The following COG4 variants were observed in gnomAD, a reference collection of about 807,000 sequenced individuals.
COG4 encodes the protein conserved oligomeric Golgi complex subunit 4.
COG4 carries 65 observed loss-of-function variants against 95.1 expected under a neutral mutation model. That is an observed-to-expected ratio of 0.68 (90% CI 0.56 to 0.84). The LOEUF (loss-of-function observed/expected upper bound fraction) is 0.84. Among genes scored for constraint, COG4 ranks in the 40% least tolerant of loss-of-function variants. The pLI is 0.00. For missense variants in COG4, 1,045 were observed against 989.1 expected, an observed-to-expected ratio of 1.06 and a Z score of -0.76; for synonymous variants, 421 against 374.8, an observed-to-expected ratio of 1.12 and a Z score of -1.42.
chr16:70,497,816 A>G lies in COG4; in HGVS notation c.1314+121T>C. 3 of 781,102 alleles carry G rather than the reference A, an allele frequency of 3.8e-6. No homozygotes were observed. In the Admixed American group the frequency reaches 5.1e-5, roughly 13 times the overall value. The allele number at this position is 781,102 out of a possible 1,614,324, so 48.4% of individuals were successfully genotyped here. Reference sequence around the variant, plus strand: ...TAAACATACAAAGTGGTACCACTCAATCTGCATGCAAGAGTATTCTCAAAG... The same window carrying G: ...TAAACATACAAAGTGGTACCACTCAGTCTGCATGCAAGAGTATTCTCAAAG... On this transcript the variant is annotated intron_variant, in intron 10 of 18. Coordinates refer to ENST00000323786, the MANE Select transcript of COG4 (RefSeq NM_015386.3).
chr16:70,493,926 G>A (rs145266622), intron 12 of COG4, among the ~76,000 whole-genome samples: 20 of 152,258 alleles, frequency 1.3e-4, no homozygotes, highest in East Asian at 7.7e-4. Flanking sequence ...GCCAGTCTTC[G>A]AGACATGAGT....
At chr16:70,484,514 T>C (rs573284383) in intron 13 of COG4, among the ~76,000 whole-genome samples, 1 of 152,374 alleles carries the variant, frequency 6.6e-6, no homozygotes, top group East Asian at 1.9e-4. Flanking sequence ...TTCTTAAATA[T>C]TTTGGTATGG....
intron 1 of COG4, among the ~76,000 whole-genome samples, chr16:70,520,580 C>T (rs1441652232): frequency 1.3e-5 from 2 of 151,226 alleles, no homozygotes; most frequent in South Asian, 2.1e-4. Flanking sequence ...TGCAGTGAGC[C>T]GAGATCGTGC....
chr16:70,490,308 T>G, intron 13 of COG4, 22 bp downstream of exon 13: 1 of 1,601,186 alleles, frequency 6.2e-7, no homozygotes, highest in Non-Finnish European at 8.6e-7. Context: ...TGCTGACCAC[T>G]GATAGGCAAT....
intron 9 of COG4, 78 bp downstream of exon 9, chr16:70,500,880 G>T: frequency 6.4e-7 from 1 of 1,553,198 alleles, no homozygotes; most frequent in Non-Finnish European, 8.9e-7. Context: ...TCCTTAATAA[G>T]AGATTTGTGG....
At chr16:70,508,713 A>G in intron 7 of COG4, 1 of 645,446 alleles carries the variant, frequency 1.5e-6, no homozygotes, top group East Asian at 3.0e-5. Flanking sequence ...CCAATAGACT[A>G]CTGTTTATAG....
At chr16:70,510,823 G>T (rs1207917707) in intron 5 of COG4, among the ~76,000 whole-genome samples, 2 of 151,514 alleles carry the variant, frequency 1.3e-5, no homozygotes, top group Admixed American at 6.6e-5. Flanking sequence ...GAGTGCAGTG[G>T]CACAATCTTG....
At chr16:70,490,694 G>T (rs2049226256) in intron 12 of COG4, among the ~76,000 whole-genome samples, 2 of 151,690 alleles carry the variant, frequency 1.3e-5, no homozygotes, top group Non-Finnish European at 2.9e-5. Flanking sequence ...TTGTTTTTTT[G>T]TTTTTTTGAG....
chr16:70,523,417 G>A lies in COG4; in HGVS notation c.127C>T (p.Leu43=), dbSNP rs2049997780. The A allele has an allele frequency of 6.2e-7, 1 of 1,613,976 alleles. No individual in the cohort carries two copies. The highest frequency in any genetic ancestry group is 8.5e-7 in the Non-Finnish European group (1 of 1,179,996). The change falls in exon 1 of 19, where the codon CTG becomes TTG. Residue 43 remains leucine, a synonymous_variant. Transcript: ENST00000323786. ...TCGTATACAGCCTCCAGCTCCTGCA[G>A]CTCTGTCAGGGAGCGAATGAGCTCA... ...SAELIRSLTE[L]QELEAVYERL...
At chr16:70,509,646 T>C (rs567528098) in intron 6 of COG4, among the ~76,000 whole-genome samples, 1 of 152,228 alleles carries the variant, frequency 6.6e-6, no homozygotes, top group Admixed American at 6.5e-5. Context: ...GAAATCAGCA[T>C]CACTCGCTTT....
intron 2 of COG4, among the ~76,000 whole-genome samples, chr16:70,518,847 C>T (rs946615256): frequency 3.9e-5 from 6 of 151,926 alleles, no homozygotes; most frequent in Admixed American, 6.6e-5. Flanking sequence ...CGTGGTGGCA[C>T]ATGCCTGGAA....
At chr16:70,485,691 C>T (rs9929182) in intron 13 of COG4, among the ~76,000 whole-genome samples, 18,000 of 148,266 alleles carry the variant, frequency 0.12, 3,594 homozygotes, top group African/African-American at 0.42. Context: ...GTTCAAGTGA[C>T]TCTCCCACCT....
Position 70,503,690 on chromosome 16 carries a change from G to T in COG4, c.1062-2599C>A, listed in dbSNP as rs1451035756. ...GCTCACTGCAAGCTCCGCCTCTTGG[G>T]TTCATGCCATTCTCCTGCCTCAGCC... On this transcript the variant is annotated intron_variant, in intron 8 of 18. Transcript: ENST00000323786. Among the ~76,000 whole-genome samples, 3 of 124,424 alleles carry T rather than the reference G, an allele frequency of 2.4e-5. No individual in the cohort carries two copies. In the East Asian group the frequency reaches 5.9e-4, roughly 24 times the overall value. The allele number at this position is 124,424 out of a possible 152,430, so 81.6% of individuals were successfully genotyped here.
Position 70,523,418 on chromosome 16 carries a change from C to G in COG4, c.126G>C (p.Glu42Asp). The G allele has an allele frequency of 1.2e-6, 2 of 1,614,122 alleles. No homozygotes were observed. Among genetic ancestry groups the G allele is most frequent in the Non-Finnish European group, 1.7e-6 (2 of 1,179,980 alleles). ...ISAELIRSLT[E>D]LQELEAVYER... ...CGTATACAGCCTCCAGCTCCTGCAG[C>G]TCTGTCAGGGAGCGAATGAGCTCAG... Residue 42 changes from glutamate (E) to aspartate (D), a missense_variant, in exon 1 of 19, where the codon GAG becomes GAC. Transcript: ENST00000323786.
At chr16:70,520,174 G>A (rs1190860455) in intron 1 of COG4, among the ~76,000 whole-genome samples, 2 of 151,994 alleles carry the variant, frequency 1.3e-5, no homozygotes, top group Admixed American at 6.6e-5. Context: ...GGCGGCTTAC[G>A]TCGGTAATCC....
rs11382671 is a variant in COG4, at chr16:70,495,397, C to CAAAAAAAAAAAAAAAAA, written c.1647+868_1647+869insTTTTTTTTTTTTTTTTT. On this transcript the variant is annotated intron_variant, in intron 12 of 18. Coordinates refer to ENST00000323786, the MANE Select transcript of COG4 (RefSeq NM_015386.3). Reference sequence around the variant, plus strand: ...GGGGAACAAGAGCAAGACTCCATCTCAAAAAAAAAAAAAAAAGAATCTGAT... The same window carrying CAAAAAAAAAAAAAAAAA: ...GGGGAACAAGAGCAAGACTCCATCTCAAAAAAAAAAAAAAAAAAAAAAAAAAAAAAAAAGAATCTGAT... Among the ~76,000 whole-genome samples the CAAAAAAAAAAAAAAAAA allele has an allele frequency of 4.3e-4, 48 of 111,296 alleles. 2 individuals are homozygous for CAAAAAAAAAAAAAAAAA. The highest frequency in any genetic ancestry group is 1.6e-3 in the African/African-American group (46 of 28,334). 73.0% of individuals were successfully genotyped at this position (111,296 alleles called of 152,430 possible). A position where few individuals can be genotyped will look rare whatever the true frequency, so the allele number is the denominator to read the frequency against.
chr16:70,485,242 C>T (rs185256294), intron 13 of COG4, among the ~76,000 whole-genome samples: 9 of 146,094 alleles, frequency 6.2e-5, no homozygotes, highest in Admixed American at 3.4e-4. Flanking sequence ...CTCACTCTGT[C>T]GCCCTGGCTG....
chr16:70,523,351 A>C (rs746210518), intron 1 of COG4, 22 bp downstream of exon 1: 2 of 1,613,780 alleles, frequency 1.2e-6, no homozygotes, highest in Admixed American at 3.3e-5. Flanking sequence ...CTCCATGAAA[A>C]AGAAGAGGCT....
chr16:70,510,002 T>C lies in COG4; in HGVS notation c.758A>G (p.Glu253Gly). The C allele has an allele frequency of 6.2e-7, 1 of 1,614,002 alleles. No homozygotes were observed. Among genetic ancestry groups the C allele is most frequent in the Non-Finnish European group, 8.5e-7 (1 of 1,179,916 alleles). Reference sequence around the variant, plus strand: ...TGTCCCCAGCACCATGAGCAGATTCTCCTCAGCTTTACTGGCCACCTAAAA... The same window carrying C: ...TGTCCCCAGCACCATGAGCAGATTCCCCTCAGCTTTACTGGCCACCTAAAA... ...LCKQVASKAE[E>G]NLLMVLGTDM... The change falls in exon 6 of 19, where the codon GAG (glutamate) becomes GGG (glycine). Residue 253 changes from glutamate to glycine, a missense_variant. Coordinates refer to ENST00000323786, the MANE Select transcript of COG4 (RefSeq NM_015386.3).
Sources: allele counts gnomAD v4.1 joint callset (sites outside exome capture counted in the v4.1 genomes callset), GRCh38; gene constraint gnomAD v4.1.1; transcripts MANE v1.5; gene names NCBI Gene and HGNC (gene_info 2026-07-23, HGNC 2026-07-21).